HDLBP: variants seen among roughly 807,000 people sequenced by gnomAD.
The protein encoded by HDLBP is vigilin.
A neutral mutation model predicts 137.3 loss-of-function variants in HDLBP; 30 were observed. The observed-to-expected ratio is 0.22, with a 90% CI of 0.16 to 0.30. The LOEUF (loss-of-function observed/expected upper bound fraction) is 0.30. HDLBP is among the 10% of genes least tolerant of loss of function. The probability of loss-of-function intolerance (pLI) is 1.00; values close to 1 mark genes in which losing one functional copy is unlikely to be tolerated. For missense variants in HDLBP, 1,119 were observed against 1,667.3 expected, an observed-to-expected ratio of 0.67 and a Z score of 5.73; for synonymous variants, 606 against 596.0, an observed-to-expected ratio of 1.02 and a Z score of -0.24.
intron 1 of HDLBP, among the ~76,000 whole-genome samples, chr2:241,269,840 C>G (rs1178490829): frequency 6.6e-6 from 1 of 152,178 alleles, no homozygotes; most frequent in African/African-American, 2.4e-5. Context: ...GGTGCCCCAA[C>G]AGGTGTCCAG....
At chr2:241,267,365 T>C (rs1449518028) in intron 2 of HDLBP, among the ~76,000 whole-genome samples, 1 of 152,166 alleles carries the variant, frequency 6.6e-6, no homozygotes, top group Non-Finnish European at 1.5e-5. Context: ...AAGTTGCCTG[T>C]AATGGAGGAG....
rs146153828 is a variant in HDLBP, at chr2:241,257,265, G to A, written c.451-459C>T. On this transcript the variant is annotated intron_variant, in intron 5 of 27. Coordinates refer to ENST00000310931, the MANE Select transcript of HDLBP (RefSeq NM_005336.6). ...TTCTTTTTTTTTGAGACGGAGTCTC[G>A]CTCTGACGTCAGGCTGGAGTGCAGT... Among the ~76,000 whole-genome samples, 749 of 152,218 alleles carry A rather than the reference G, an allele frequency of 4.9e-3. 5 individuals carry two copies. The highest frequency in any genetic ancestry group is 0.017 in the African/African-American group (693 of 41,498).
At chr2:241,275,845 A>C (rs1241924295) in intron 1 of HDLBP, among the ~76,000 whole-genome samples, 1 of 152,230 alleles carries the variant, frequency 6.6e-6, no homozygotes, top group African/African-American at 2.4e-5. Flanking sequence ...TAAGAATGAG[A>C]ATAGACATAT....
chr2:241,273,413 C>T (rs774538357), intron 1 of HDLBP, among the ~76,000 whole-genome samples: 24 of 152,214 alleles, frequency 1.6e-4, no homozygotes, highest in Non-Finnish European at 3.5e-4. Flanking sequence ...TCCATCTCTA[C>T]ATAGATGTAT....
chr2:241,314,840 G>A (rs1423136708), intron 1 of HDLBP, among the ~76,000 whole-genome samples: 2 of 152,196 alleles, frequency 1.3e-5, no homozygotes, highest in East Asian at 1.9e-4. Context: ...AGGAACTCAG[G>A]AAGTGTTTCC....
intron 24 of HDLBP, among the ~76,000 whole-genome samples, chr2:241,232,269 C>A (rs1442471495): frequency 1.3e-5 from 2 of 148,398 alleles, no homozygotes; most frequent in South Asian, 2.2e-4. Context: ...AATTGCTAAA[C>A]AATGACTTTT....
In HDLBP at chr2:241,242,504, C is replaced by A; in HGVS notation, c.2125G>T (p.Val709Leu). 3 of 1,614,198 alleles carry A rather than the reference C, an allele frequency of 1.9e-6. No homozygotes were observed. Among genetic ancestry groups the A allele is most frequent in the Non-Finnish European group, 2.5e-6 (3 of 1,180,030 alleles). The stretch of plus-strand genomic sequence containing the variant: ...AGGAGCTGCTTCTTGGCCTTCTCCA[C>A]ATCCGAGGAAGGGCCCCTGATAACA... ...TVVIRGPSSDVEKAKKQLLHL... is the reference protein window; with the variant it reads ...TVVIRGPSSDLEKAKKQLLHL... The change falls in exon 17 of 28, where the codon GTG (valine) becomes TTG (leucine). Residue 709 changes from valine (V) to leucine (L), a missense_variant. Around this residue, in one of 4 missense-constraint regions of HDLBP, gnomAD observed 618 missense variants for 816.7 expected, o/e 0.76. Transcript: ENST00000310931.
Position 241,227,613 on chromosome 2 carries a change from G to A in HDLBP, c.*1988C>T, listed in dbSNP as rs1009149584. The A allele has an allele frequency of 3.3e-5, 5 of 152,622 alleles. No homozygotes were observed. Among genetic ancestry groups the A allele is most frequent in the Admixed American group, 1.3e-4 (2 of 15,272 alleles). 9.5% of individuals were successfully genotyped at this position (152,622 alleles called of 1,614,324 possible). On this transcript the variant is annotated 3_prime_UTR_variant, in exon 28 of 28. Coordinates refer to ENST00000310931, the MANE Select transcript of HDLBP (RefSeq NM_005336.6). ...CTGAACAGTTTAGGAAAGGGCTCGC[G>A]TCTAAGACATCAAGCGACATACAGA...
chr2:241,236,267 C>G, intron 21 of HDLBP: 1 of 317,576 alleles, frequency 3.1e-6, no homozygotes, highest in East Asian at 7.0e-5. Context: ...GGCCTGATAA[C>G]CCCACTCACG....
At chr2:241,301,143 ATT>A (rs77756952) in intron 1 of HDLBP, among the ~76,000 whole-genome samples, 81 of 138,218 alleles carry the variant, frequency 5.9e-4, no homozygotes, top group Non-Finnish European at 2.7e-4. Context: ...GGCCCGGCTA[ATT>A]TTTTTTTTTT....
intron 20 of HDLBP, among the ~76,000 whole-genome samples, chr2:241,236,993 G>C (rs967257820): frequency 2.4e-4 from 31 of 131,798 alleles, no homozygotes; most frequent in Non-Finnish European, 3.3e-4. Flanking sequence ...GGGGGGGGGG[G>C]GCGGCAATGA....
chr2:241,247,958 C>T (rs1331924074), intron 14 of HDLBP, 45 bp downstream of exon 14: 8 of 1,376,990 alleles, frequency 5.8e-6, no homozygotes, highest in Admixed American at 1.7e-5. Context: ...ATGCCCCACC[C>T]ACCCCAGGTG....
chr2:241,244,806 T>C (rs1379660561), intron 16 of HDLBP, among the ~76,000 whole-genome samples: 1 of 152,330 alleles, frequency 6.6e-6, no homozygotes, highest in South Asian at 2.1e-4. Flanking sequence ...TAAAAAATAA[T>C]GGAATTTTTT....
chr2:241,305,813 G>A (rs2075549720), intron 1 of HDLBP, among the ~76,000 whole-genome samples: 1 of 149,898 alleles, frequency 6.7e-6, no homozygotes, highest in Non-Finnish European at 1.5e-5. Flanking sequence ...AGGCTGGAGT[G>A]CAGTGGCGTG....
Position 241,236,750 on chromosome 2 carries a change from A to G in HDLBP, c.2769T>C (p.Val923=), listed in dbSNP as rs1166963256. The G allele has an allele frequency of 3.7e-6, 6 of 1,614,196 alleles. No individual in the cohort carries two copies. In the South Asian group the frequency reaches 6.6e-5, roughly 18 times the overall value. Residue 923 remains valine (V), a synonymous_variant, in exon 21 of 28, where the codon GTT becomes GTC. Transcript: ENST00000310931. ...EENAVHSTEP[V]VQENGDEAGE... is the part of the protein sequence containing the mutation. ...CAGCTTCGTCCCCATTCTCCTGGAC[A>G]ACTGGCTCTGTACTGTGAACTAGAG...
At position 241,272,761 on chromosome 2, in the gene HDLBP, T is replaced by A; in HGVS notation, c.-102-4220A>T. 1 of 293,970 alleles carries A rather than the reference T, an allele frequency of 3.4e-6. No individual in the cohort carries two copies. Among genetic ancestry groups the A allele is most frequent in the Non-Finnish European group, 4.7e-6 (1 of 213,090 alleles). The allele number at this position is 293,970 out of a possible 1,614,324, so 18.2% of individuals were successfully genotyped here. A position where few individuals can be genotyped will look rare whatever the true frequency, so the allele number is the denominator to read the frequency against. ...TCCCAGCCCCGTGTTGCGCGCTCACTCGTGGGCCCCCGCCCGCTGGTCCTG... is the reference window on the plus strand; with the variant it reads ...TCCCAGCCCCGTGTTGCGCGCTCACACGTGGGCCCCCGCCCGCTGGTCCTG... On this transcript the variant is annotated intron_variant, in intron 1 of 27. Transcript: ENST00000310931. This position sits in a 1 kb window ranked among gnomAD's most constrained non-coding sequence, Gnocchi z 5.6.
rs567882396 is a variant in HDLBP, at chr2:241,240,511, G to A, written c.2170-389C>T. Among the ~76,000 whole-genome samples, 34 of 151,824 alleles carry A rather than the reference G, an allele frequency of 2.2e-4. 1 individual carries two copies. The highest frequency in any genetic ancestry group is 5.9e-4 in the Admixed American group (9 of 15,220). Reference sequence around the variant, plus strand: ...GGGAGCGTGGGGTGTGCCCAGCAGAGCAGGAAGCAAGCTGCCCAAGAGGTG... The same window carrying A: ...GGGAGCGTGGGGTGTGCCCAGCAGAACAGGAAGCAAGCTGCCCAAGAGGTG... On this transcript the variant is annotated intron_variant, in intron 17 of 27. Transcript: ENST00000310931. The surrounding 1 kb of genome is among the most constrained non-coding windows in gnomAD (Gnocchi z 5.5).
intron 1 of HDLBP, among the ~76,000 whole-genome samples, chr2:241,293,921 C>CA (rs56186900): frequency 0.4 from 39,379 of 97,336 alleles, 5,843 homozygotes; most frequent in East Asian, 0.57. Flanking sequence ...GACCCTGCCT[C>CA]AAAAAAAAAA....
intron 1 of HDLBP, among the ~76,000 whole-genome samples, chr2:241,297,414 T>C (rs1293124770): frequency 6.6e-6 from 1 of 152,232 alleles, no homozygotes; most frequent in Non-Finnish European, 1.5e-5. Context: ...ATAAACCCTG[T>C]GCTACTACAT....
Sources: gnomAD v4.1 joint callset for allele counts (sites outside exome capture counted in the v4.1 genomes callset) on GRCh38, gnomAD v4.1.1 for gene constraint, gnomAD v4.1.1 regional missense constraint, Gnocchi (gnomAD v3.1) non-coding constraint, MANE v1.5 for transcripts, NCBI Gene and HGNC (gene_info 2026-07-23, HGNC 2026-07-21) for gene names.